The following ST3GAL3 variants were observed in gnomAD, a reference collection of about 807,000 sequenced individuals.
ST3GAL3 encodes CMP-N-acetylneuraminate-beta-1,4-galactoside alpha-2,3-sialyltransferase.
In ST3GAL3, 21 loss-of-function variants were observed where a neutral mutation model predicts 50.1. The ratio of observed to expected loss-of-function variants is 0.42; its 90% CI spans 0.30 to 0.60. The LOEUF (loss-of-function observed/expected upper bound fraction) is 0.60. ST3GAL3 is among the 20% of genes least tolerant of loss of function. The pLI, the probability that ST3GAL3 is intolerant of heterozygous loss-of-function variation, is 0.19. For synonymous variants in ST3GAL3, 183 were observed against 190.0 expected (o/e 0.96, Z 0.30); for missense variants, 353 against 489.4 (o/e 0.72, Z 2.63).
chr1:43,712,521 A>G (rs112498601), intron 1 of ST3GAL3, among the ~76,000 whole-genome samples: 2 of 152,114 alleles, frequency 1.3e-5, no homozygotes, highest in Non-Finnish European at 2.9e-5. Context: ...GCCTCAAAGA[A>G]CCTCCAGTCT....
intron 5 of ST3GAL3, among the ~76,000 whole-genome samples, chr1:43,883,842 C>T (rs753376730): frequency 6.6e-6 from 1 of 152,200 alleles, no homozygotes; most frequent in Non-Finnish European, 1.5e-5. Flanking sequence ...TACAACTACC[C>T]TTCTGAACAT....
At chr1:43,851,043 G>T in intron 5 of ST3GAL3, 1 of 844,518 alleles carries the variant, frequency 1.2e-6, no homozygotes, top group Non-Finnish European at 2.1e-6. Context: ...CCAGCCTGCT[G>T]ATATGTGCCA....
chr1:43,889,891 T>C (rs1269649082), intron 5 of ST3GAL3, among the ~76,000 whole-genome samples: 1 of 152,222 alleles, frequency 6.6e-6, no homozygotes, highest in Non-Finnish European at 1.5e-5. Flanking sequence ...TACAAATGAA[T>C]GATGTATTCT....
chr1:43,725,179 C>CTT (rs1672330757), intron 1 of ST3GAL3, among the ~76,000 whole-genome samples: 1 of 152,108 alleles, frequency 6.6e-6, no homozygotes, highest in Non-Finnish European at 1.5e-5. Context: ...AACTCTTTAC[C>CTT]TGCATGCTTT....
intron 2 of ST3GAL3, among the ~76,000 whole-genome samples, chr1:43,771,626 GGATTACAGGCGT>G (rs1401063069): frequency 6.6e-6 from 1 of 152,046 alleles, no homozygotes; most frequent in African/African-American, 2.4e-5. Flanking sequence ...CAAAGTACTG[GGATTACAGGCGT>G]GAGCCACCGC....
chr1:43,715,207 C>T (rs1402874972), intron 1 of ST3GAL3, among the ~76,000 whole-genome samples: 1 of 151,930 alleles, frequency 6.6e-6, no homozygotes, highest in East Asian at 1.9e-4. Context: ...TCCCAAATAA[C>T]TTTCATGTTT....
At chr1:43,867,821 A>T (rs1450649685) in intron 5 of ST3GAL3, among the ~76,000 whole-genome samples, 1 of 152,196 alleles carries the variant, frequency 6.6e-6, no homozygotes, top group African/African-American at 2.4e-5. Flanking sequence ...AGAAAACAGA[A>T]TGACCTAACT....
intron 5 of ST3GAL3, among the ~76,000 whole-genome samples, chr1:43,878,181 A>G (rs1286368916): frequency 2.6e-5 from 4 of 152,212 alleles, no homozygotes; most frequent in East Asian, 1.9e-4. Flanking sequence ...CTGTGGTCAC[A>G]TTGCCTTTTC....
chr1:43,914,618 TAA>T (rs1414309989), intron 9 of ST3GAL3: 1 of 152,194 alleles, frequency 6.6e-6, no homozygotes, highest in East Asian at 1.9e-4. Context: ...GTTAAAGAGA[TAA>T]TAAAGTAACA....
intron 4 of ST3GAL3, among the ~76,000 whole-genome samples, chr1:43,822,095 G>A (rs2062179544): frequency 6.6e-6 from 1 of 152,202 alleles, no homozygotes; most frequent in Admixed American, 6.5e-5. Flanking sequence ...TCATTGAGAA[G>A]GTGACATTTG....
At chr1:43,817,733 C>CCCT (rs377758313) in intron 4 of ST3GAL3, among the ~76,000 whole-genome samples, 44,301 of 112,748 alleles carry the variant, frequency 0.39, 9,465 homozygotes, top group East Asian at 0.6. Context: ...CTCCTCCTCC[C>CCCT]CCTCCTCCTC....
Position 43,895,029 on chromosome 1 carries a change from C to T in ST3GAL3, c.397+552C>T, listed in dbSNP as rs147389786. On this transcript the variant is annotated intron_variant, in intron 6 of 11. Transcript: ENST00000347631. ...CTCTCCTCAAAAAGCTCCAGTATAG[C>T]GGAGATTCAGATATTCAAGAGTGCA... Among the ~76,000 whole-genome samples, 560 of 152,180 alleles carry T rather than the reference C, an allele frequency of 3.7e-3. 4 individuals carry two copies. The highest frequency in any genetic ancestry group is 0.013 in the African/African-American group (530 of 41,512).
At chr1:43,807,946 G>A (rs1463379339) in intron 3 of ST3GAL3, among the ~76,000 whole-genome samples, 3 of 152,088 alleles carry the variant, frequency 2.0e-5, no homozygotes, top group Non-Finnish European at 4.4e-5. Flanking sequence ...AGGGGGTGTG[G>A]TTTAGGTTTT....
chr1:43,920,264 T>C (rs2082795971), intron 9 of ST3GAL3, 140 bp from the exon 10 acceptor site: 1 of 974,702 alleles, frequency 1.0e-6, no homozygotes, highest in South Asian at 1.3e-5. Flanking sequence ...ACAGATGGGC[T>C]TCCTACACCA....
At chr1:43,925,840 A>G (rs146895653) in intron 11 of ST3GAL3, among the ~76,000 whole-genome samples, 114 of 152,340 alleles carry the variant, frequency 7.5e-4, no homozygotes, top group African/African-American at 2.6e-3. Context: ...AAGAGCATCT[A>G]CAATGTGGTG....
intron 1 of ST3GAL3, among the ~76,000 whole-genome samples, chr1:43,730,993 T>A (rs1458987833): frequency 2.0e-5 from 3 of 152,162 alleles, no homozygotes; most frequent in African/African-American, 7.2e-5. Flanking sequence ...TTGTCAATAG[T>A]TTGGTGCATA....
At chr1:43,881,173 G>A (rs543337057) in intron 5 of ST3GAL3, among the ~76,000 whole-genome samples, 1 of 152,100 alleles carries the variant, frequency 6.6e-6, no homozygotes, top group Non-Finnish European at 1.5e-5. Context: ...ACTGTGCCTG[G>A]CTAATTTTTG....
chr1:43,727,054 C>A (rs566191492), intron 1 of ST3GAL3, among the ~76,000 whole-genome samples: 2 of 152,242 alleles, frequency 1.3e-5, no homozygotes, highest in South Asian at 4.2e-4. Context: ...GCTTTCTCCC[C>A]CTTTATTAGA....
intron 5 of ST3GAL3, chr1:43,858,117 T>A (rs1380055438): frequency 7.8e-7 from 1 of 1,289,382 alleles, no homozygotes; most frequent in Non-Finnish European, 1.0e-6. Flanking sequence ...CTTCCTCATC[T>A]GTACCTATCT....
Sources: gnomAD v4.1 joint callset for allele counts (sites outside exome capture counted in the v4.1 genomes callset) on GRCh38, gnomAD v4.1.1 for gene constraint, MANE v1.5 for transcripts, NCBI Gene and HGNC (gene_info 2026-07-23, HGNC 2026-07-21) for gene names.